Variants in ZNF423 observed in about 807,000 individuals in gnomAD.
ZNF423 encodes the protein Ebf-associated zinc finger protein.
In ZNF423, 12 loss-of-function variants were observed where a neutral mutation model predicts 95.8. That is an observed-to-expected ratio of 0.13 (90% CI 0.08 to 0.20). The LOEUF is 0.20. ZNF423 is among the 10% of genes least tolerant of loss of function. The pLI, the probability that ZNF423 is intolerant of heterozygous loss-of-function variation, is 1.00. For synonymous variants in ZNF423, 749 were observed against 711.9 expected, an observed-to-expected ratio of 1.05 and a Z score of -0.83; for missense variants, 1,316 against 1,737.1, an observed-to-expected ratio of 0.76 and a Z score of 4.31.
At chr16:49,728,452 G>A (rs575247328) in intron 3 of ZNF423, among the ~76,000 whole-genome samples, 6 of 152,280 alleles carry the variant, frequency 3.9e-5, no homozygotes, top group East Asian at 3.9e-4. Flanking sequence ...GCGTCCCCAC[G>A]GAGGTCATTA....
intron 3 of ZNF423, among the ~76,000 whole-genome samples, chr16:49,718,272 AGCTGG>A (rs1326417822): frequency 1.3e-5 from 2 of 152,138 alleles, no homozygotes; most frequent in Non-Finnish European, 2.9e-5. Context: ...TACAAAAATT[AGCTGG>A]GTGTGGTAAT....
intron 5 of ZNF423, among the ~76,000 whole-genome samples, chr16:49,594,821 C>T (rs967696669): frequency 5.3e-5 from 8 of 152,164 alleles, no homozygotes; most frequent in Admixed American, 2.6e-4. Context: ...ACACAGAGGC[C>T]ACCACTCAGG....
At chr16:49,672,435 C>T (rs1268421591) in intron 3 of ZNF423, among the ~76,000 whole-genome samples, 3 of 152,030 alleles carry the variant, frequency 2.0e-5, no homozygotes, top group South Asian at 2.1e-4. Context: ...GGCAGCAGGG[C>T]GGAAACCATG....
At chr16:49,548,453 T>A (rs1777824292) in intron 5 of ZNF423, among the ~76,000 whole-genome samples, 1 of 152,116 alleles carries the variant, frequency 6.6e-6, no homozygotes, top group African/African-American at 2.4e-5. Flanking sequence ...ATAAATCTGA[T>A]GCGGATTTAG....
chr16:49,625,148 G>A (rs750606003), intron 5 of ZNF423, among the ~76,000 whole-genome samples: 3 of 152,214 alleles, frequency 2.0e-5, no homozygotes, highest in African/African-American at 7.2e-5. Flanking sequence ...GGAGGCCAAG[G>A]CGGGTGGATC....
intron 5 of ZNF423, among the ~76,000 whole-genome samples, chr16:49,556,081 C>T (rs1463974363): frequency 1.3e-5 from 2 of 152,152 alleles, no homozygotes; most frequent in African/African-American, 2.4e-5. Flanking sequence ...CTCAACCCAT[C>T]AAAGGGCTGA....
At chr16:49,751,735 G>A (rs946941048) in intron 2 of ZNF423, among the ~76,000 whole-genome samples, 2 of 152,190 alleles carry the variant, frequency 1.3e-5, no homozygotes, top group South Asian at 2.1e-4. Flanking sequence ...GTCGGGAGAG[G>A]AAGAAGCAGT....
At chr16:49,727,662 C>T (rs991051341) in intron 3 of ZNF423, among the ~76,000 whole-genome samples, 4 of 152,164 alleles carry the variant, frequency 2.6e-5, no homozygotes, top group Non-Finnish European at 4.4e-5. Context: ...TGGGGAGGCA[C>T]GTGCTGCCTC....
rs111910186 is a variant in ZNF423 at position 49,735,937 on chromosome 16, A to C, written c.101-4966T>G. ...AGAAGTAGTAATAAATTATTGCTTCAGGCCATTACATTTTGGGATGGTTTG... is the reference window on the plus strand; with the variant it reads ...AGAAGTAGTAATAAATTATTGCTTCCGGCCATTACATTTTGGGATGGTTTG... On this transcript the variant is annotated intron_variant, in intron 2 of 7. Transcript: ENST00000563137. Among the ~76,000 whole-genome samples, 406 of 152,324 alleles carry C rather than the reference A, an allele frequency of 2.7e-3. 1 individual carries two copies. The highest frequency in any genetic ancestry group is 4.2e-3 in the Non-Finnish European group (283 of 68,016).
chr16:49,791,080 G>C (rs1249745960), intron 1 of ZNF423, among the ~76,000 whole-genome samples: 1 of 152,194 alleles, frequency 6.6e-6, no homozygotes, highest in Non-Finnish European at 1.5e-5. Context: ...TCTGAACCCT[G>C]AGAAACAGCA....
chr16:49,591,414 A>G lies in ZNF423; in HGVS notation c.3601+34756T>C, dbSNP rs182368179. On this transcript the variant is annotated intron_variant, in intron 5 of 7. Transcript: ENST00000563137. ...TATGGGCATTGTAAGTCTACTGAAA[A>G]CTAAACATAAATATGCAAAAACAGT... 2.6e-5 allele frequency among the ~76,000 whole-genome samples: 4 copies of G among 152,288 alleles called. No homozygotes were observed. In the East Asian group the frequency reaches 7.7e-4, roughly 29 times the overall value.
At chr16:49,531,695 G>A (rs1968851622) in intron 5 of ZNF423, among the ~76,000 whole-genome samples, 1 of 152,220 alleles carries the variant, frequency 6.6e-6, no homozygotes, top group Non-Finnish European at 1.5e-5. Context: ...GTGACATTTA[G>A]GCTGGGAGTC....
chr16:49,587,658 G>A (rs899764928), intron 5 of ZNF423, among the ~76,000 whole-genome samples: 2 of 152,136 alleles, frequency 1.3e-5, no homozygotes, highest in African/African-American at 2.4e-5. Context: ...CTGAGGACAA[G>A]AGTGTCTAAG....
rs1970318000 is a variant in ZNF423 at position 49,570,381 on chromosome 16, C to T, written c.3602-44887G>A. On this transcript the variant is annotated intron_variant, in intron 5 of 7. Coordinates refer to ENST00000563137, the MANE Select transcript of ZNF423 (RefSeq NM_001379286.1). ...GGCTGAGGCTCAGAGAGGTTAATTGCACCATGGCCACAGAGCACCACAGAG... is the reference window on the plus strand; with the variant it reads ...GGCTGAGGCTCAGAGAGGTTAATTGTACCATGGCCACAGAGCACCACAGAG... 2.6e-5 allele frequency among the ~76,000 whole-genome samples: 4 copies of T among 152,138 alleles called. No homozygotes were observed. The South Asian group carries it at 8.3e-4, about 32-fold the overall frequency.
chr16:49,771,914 C>G (rs2034042317), intron 2 of ZNF423, among the ~76,000 whole-genome samples: 1 of 152,140 alleles, frequency 6.6e-6, no homozygotes, highest in Non-Finnish European at 1.5e-5. Flanking sequence ...CAGGGTTCTC[C>G]CAAGAACTAG....
intron 5 of ZNF423, among the ~76,000 whole-genome samples, chr16:49,544,087 T>A (rs902652118): frequency 6.6e-6 from 1 of 152,190 alleles, no homozygotes; most frequent in African/African-American, 2.4e-5. Flanking sequence ...TACCCATCCA[T>A]CCATCCACCT....
intron 5 of ZNF423, among the ~76,000 whole-genome samples, chr16:49,611,702 G>A (rs959428157): frequency 6.6e-6 from 1 of 151,858 alleles, no homozygotes; most frequent in African/African-American, 2.4e-5. Context: ...AAACAAACAG[G>A]TGGTGTTTTA....
At chr16:49,495,025 A>G (rs1596995880) in intron 7 of ZNF423, among the ~76,000 whole-genome samples, 1 of 152,196 alleles carries the variant, frequency 6.6e-6, no homozygotes, top group South Asian at 2.1e-4. Context: ...ACAGATGAAC[A>G]CTTCCCACCA....
At chr16:49,534,325 C>G (rs1968978191) in intron 5 of ZNF423, among the ~76,000 whole-genome samples, 1 of 151,648 alleles carries the variant, frequency 6.6e-6, no homozygotes, top group African/African-American at 2.4e-5. Flanking sequence ...ACGTTCTCAG[C>G]TCACTGCAAC....
Sources: gnomAD v4.1 joint callset for allele counts (sites outside exome capture counted in the v4.1 genomes callset) on GRCh38, gnomAD v4.1.1 for gene constraint, MANE v1.5 for transcripts, NCBI Gene and HGNC (gene_info 2026-07-23, HGNC 2026-07-21) for gene names.